The following PLD5 variants were observed in gnomAD, a reference collection of about 807,000 sequenced individuals.
PLD5 encodes phospholipase D family member 5, also known as inactive phospholipase D5.
In PLD5, 36 loss-of-function variants were observed where a neutral mutation model predicts 61.1. The observed-to-expected ratio is 0.59, with a 90% CI of 0.45 to 0.78. The LOEUF is 0.78. Among genes scored for constraint, PLD5 ranks in the 30% least tolerant of loss-of-function variants. The pLI, the probability that PLD5 is intolerant of heterozygous loss-of-function variation, is 0.00. For missense variants in PLD5, 515 were observed against 644.4 expected (o/e 0.80, Z 2.17); for synonymous variants, 243 against 242.8 (o/e 1.00, Z -0.01).
intron 1 of PLD5, among the ~76,000 whole-genome samples, chr1:242,466,577 C>T (rs555746433): frequency 2.6e-4 from 40 of 152,240 alleles, no homozygotes; most frequent in Non-Finnish European, 4.9e-4. Flanking sequence ...AAAAGACAAA[C>T]GCTGCATGCT....
chr1:242,356,681 T>G (rs1220839215), intron 1 of PLD5, among the ~76,000 whole-genome samples: 1 of 151,582 alleles, frequency 6.6e-6, no homozygotes, highest in African/African-American at 2.4e-5. Flanking sequence ...GGTGTATGGT[T>G]TCCTTAGTGG....
chr1:242,361,694 C>T (rs947126609), intron 1 of PLD5, among the ~76,000 whole-genome samples: 1 of 152,166 alleles, frequency 6.6e-6, no homozygotes, highest in Non-Finnish European at 1.5e-5. Context: ...AACATGTTAA[C>T]ATTCAAAATA....
chr1:242,303,807 T>C (rs547658243), intron 2 of PLD5, among the ~76,000 whole-genome samples: 10 of 152,364 alleles, frequency 6.6e-5, no homozygotes, highest in Non-Finnish European at 1.3e-4. Flanking sequence ...AATTAAACTC[T>C]GCTCTATCAT....
chr1:242,499,111 T>G (rs1157917099), intron 1 of PLD5, among the ~76,000 whole-genome samples: 1 of 152,216 alleles, frequency 6.6e-6, no homozygotes, highest in Non-Finnish European at 1.5e-5. Context: ...CACCAGTATT[T>G]GACAGTATTA....
At position 242,165,369 on chromosome 1, in the gene PLD5, C is replaced by G. The variant is rs1337085615; in HGVS notation, c.736-40704G>C. 2.0e-5 allele frequency among the ~76,000 whole-genome samples: 3 copies of G among 149,910 alleles called. No individual in the cohort carries two copies. The East Asian group carries it at 5.9e-4, about 29-fold the overall frequency. Reference sequence around the variant, plus strand: ...AAAAAAGACTGTTCACATCCTTAGTCTGATAACTTTCATTTATGGGAAATT... The same window carrying G: ...AAAAAAGACTGTTCACATCCTTAGTGTGATAACTTTCATTTATGGGAAATT... On this transcript the variant is annotated intron_variant, in intron 5 of 9. Transcript: ENST00000536534.
At chr1:242,420,231 A>G (rs1665064960) in intron 1 of PLD5, among the ~76,000 whole-genome samples, 1 of 152,176 alleles carries the variant, frequency 6.6e-6, no homozygotes, top group Admixed American at 6.5e-5. Flanking sequence ...GAGATTTAAA[A>G]AGATTAAGTT....
chr1:242,337,093 G>A (rs1245727900), intron 2 of PLD5, among the ~76,000 whole-genome samples: 2 of 151,776 alleles, frequency 1.3e-5, no homozygotes, highest in Non-Finnish European at 2.9e-5. Flanking sequence ...GTGAGCTCTT[G>A]GGCATGTCTC....
intron 1 of PLD5, among the ~76,000 whole-genome samples, chr1:242,464,089 C>T (rs1030807331): frequency 6.6e-6 from 1 of 152,214 alleles, no homozygotes; most frequent in Non-Finnish European, 1.5e-5. Flanking sequence ...GAGCACTTCA[C>T]GTAGTCATTC....
In PLD5 at chr1:242,316,104, G is replaced by T. The variant is rs532950042; in HGVS notation, c.327-27574C>A. 1.3e-4 allele frequency among the ~76,000 whole-genome samples: 20 copies of T among 152,346 alleles called. No individual in the cohort carries two copies. The South Asian group carries it at 2.1e-3, about 16-fold the overall frequency. ...GGAAATTGTATTCCACAGGATTTAT[G>T]TAAGGAGTAAATGCCACAATAAATG... is the stretch of plus-strand genomic sequence containing the variant. On this transcript the variant is annotated intron_variant, in intron 2 of 9. Coordinates refer to ENST00000536534, the MANE Select transcript of PLD5 (RefSeq NM_001372062.1).
rs144042310 is a variant in PLD5 at position 242,223,649 on chromosome 1, C to T, written c.608-3534G>A. 4.2e-3 allele frequency among the ~76,000 whole-genome samples: 638 copies of T among 152,106 alleles called. 9 individuals are homozygous for T. Among genetic ancestry groups the T allele is most frequent in the African/African-American group, 0.014 (565 of 41,502 alleles). On this transcript the variant is annotated intron_variant, in intron 4 of 9. Transcript: ENST00000536534. ...GCTTCATTTTCTCTATTTTAGGACACGATAAATTCCTGTATGTGGTATAAG... is the reference window on the plus strand; with the variant it reads ...GCTTCATTTTCTCTATTTTAGGACATGATAAATTCCTGTATGTGGTATAAG...
chr1:242,398,963 C>G (rs1663763141), intron 1 of PLD5, among the ~76,000 whole-genome samples: 1 of 152,134 alleles, frequency 6.6e-6, no homozygotes, highest in Admixed American at 6.5e-5. Context: ...AGCCCCCTCT[C>G]TAACAGGGAT....
At chr1:242,361,681 T>C (rs892829398) in intron 1 of PLD5, among the ~76,000 whole-genome samples, 6 of 152,224 alleles carry the variant, frequency 3.9e-5, no homozygotes, top group Non-Finnish European at 8.8e-5. Flanking sequence ...AAATAAATAT[T>C]AAAACATGTT....
At chr1:242,261,822 G>T (rs147351030) in intron 4 of PLD5, among the ~76,000 whole-genome samples, 2 of 152,146 alleles carry the variant, frequency 1.3e-5, no homozygotes, top group Non-Finnish European at 2.9e-5. Context: ...ATAAAACAAG[G>T]TGCCAAATTT....
chr1:242,328,009 A>G (rs1658902971), intron 2 of PLD5, among the ~76,000 whole-genome samples: 1 of 152,174 alleles, frequency 6.6e-6, no homozygotes, highest in Non-Finnish European at 1.5e-5. Context: ...CAGGAGGTCA[A>G]GGCTGCAGGA....
chr1:242,229,856 A>G (rs1470290647), intron 4 of PLD5, among the ~76,000 whole-genome samples: 1 of 150,622 alleles, frequency 6.6e-6, no homozygotes, highest in Admixed American at 6.7e-5. Context: ...TCCAAAATGT[A>G]TTTGTTTTCC....
At chr1:242,180,620 G>T (rs149798265) in intron 5 of PLD5, among the ~76,000 whole-genome samples, 1 of 152,268 alleles carries the variant, frequency 6.6e-6, no homozygotes, top group East Asian at 1.9e-4. Context: ...TCACCTGGAC[G>T]GCTTGTTAGA....
At chr1:242,461,390 G>A (rs1007387481) in intron 1 of PLD5, among the ~76,000 whole-genome samples, 2 of 152,150 alleles carry the variant, frequency 1.3e-5, no homozygotes, top group Non-Finnish European at 2.9e-5. Context: ...ATAGTATGCC[G>A]TAGCTGGTTC....
At chr1:242,191,818 G>GA (rs1668304670) in intron 5 of PLD5, among the ~76,000 whole-genome samples, 1 of 151,996 alleles carries the variant, frequency 6.6e-6, no homozygotes. Flanking sequence ...GGTACAGAGA[G>GA]AATGAGGAGG....
intron 2 of PLD5, among the ~76,000 whole-genome samples, chr1:242,292,752 A>G (rs1249647166): frequency 6.6e-6 from 1 of 152,258 alleles, no homozygotes; most frequent in Non-Finnish European, 1.5e-5. Context: ...TGGTATGGTT[A>G]TAGACAACAT....
Sources: gnomAD v4.1 joint callset for allele counts (sites outside exome capture counted in the v4.1 genomes callset) on GRCh38, gnomAD v4.1.1 for gene constraint, MANE v1.5 for transcripts, NCBI Gene and HGNC (gene_info 2026-07-23, HGNC 2026-07-21) for gene names.